The following NOSTRIN variants were observed in gnomAD, a reference collection of about 807,000 sequenced individuals.
NOSTRIN encodes BM247 homolog.
In NOSTRIN, 63 loss-of-function variants were observed where a neutral mutation model predicts 59.0. That is an observed-to-expected ratio of 1.07 (90% CI 0.87 to 1.32). The LOEUF is 1.32. NOSTRIN is among the 40% of genes most tolerant of loss of function. The pLI is 0.00. For missense variants in NOSTRIN, 512 were observed against 473.1 expected, an observed-to-expected ratio of 1.08 and a Z score of -0.76; for synonymous variants, 200 against 165.4, an observed-to-expected ratio of 1.21 and a Z score of -1.61.
At chr2:168,813,391 C>T (rs556305132) in intron 2 of NOSTRIN, among the ~76,000 whole-genome samples, 1 of 152,328 alleles carries the variant, frequency 6.6e-6, no homozygotes, top group Admixed American at 6.5e-5. Flanking sequence ...ACAGACTCAA[C>T]AGTGAACTGA....
chr2:168,815,060 G>A (rs1442296332), intron 2 of NOSTRIN, among the ~76,000 whole-genome samples: 1 of 152,170 alleles, frequency 6.6e-6, no homozygotes. Context: ...GCTTGACAGA[G>A]TTCTGTATTA....
At chr2:168,833,204 G>T (rs1021178188) in intron 6 of NOSTRIN, among the ~76,000 whole-genome samples, 1 of 152,200 alleles carries the variant, frequency 6.6e-6, no homozygotes, top group African/African-American at 2.4e-5. Flanking sequence ...TGTCAGTAAT[G>T]AAGTAGTCTA....
intron 6 of NOSTRIN, among the ~76,000 whole-genome samples, chr2:168,833,399 G>GCTAAAAAGCCAAGGAAGAGAGAC (rs371072683): frequency 6.6e-6 from 1 of 152,206 alleles, no homozygotes; most frequent in African/African-American, 2.4e-5. Flanking sequence ...TGATTCCCAA[G>GCTAAAAAGCCAAGGAAGAGAGAC]CTAAAAAGCC....
intron 7 of NOSTRIN, among the ~76,000 whole-genome samples, chr2:168,839,350 G>A (rs1214511746): frequency 1.3e-5 from 2 of 152,042 alleles, no homozygotes; most frequent in Non-Finnish European, 1.5e-5. Flanking sequence ...TAGTTTAGAT[G>A]CCTCTCTTGA....
chr2:168,858,836 C>A (rs1163153359), intron 12 of NOSTRIN, among the ~76,000 whole-genome samples: 1 of 152,140 alleles, frequency 6.6e-6, no homozygotes, highest in East Asian at 1.9e-4. Flanking sequence ...ATAAGCAAGA[C>A]CCTTCCAATG....
intron 12 of NOSTRIN, among the ~76,000 whole-genome samples, chr2:168,858,425 A>T (rs185760501): frequency 9.5e-4 from 144 of 152,346 alleles, no homozygotes; most frequent in Non-Finnish European, 1.6e-3. Flanking sequence ...TTTTATTTAC[A>T]TTCTTCCTTA....
chr2:168,822,976 G>C (rs1035370067), intron 2 of NOSTRIN, among the ~76,000 whole-genome samples: 1 of 152,078 alleles, frequency 6.6e-6, no homozygotes, highest in African/African-American at 2.4e-5. Flanking sequence ...GAGATCAGTA[G>C]GACAGTTTTC....
At chr2:168,861,545 G>T (rs1286642043) in intron 14 of NOSTRIN, among the ~76,000 whole-genome samples, 3 of 151,606 alleles carry the variant, frequency 2.0e-5, no homozygotes, top group Non-Finnish European at 2.9e-5. Context: ...ATATATTAAG[G>T]AGTCACTGTT....
intron 7 of NOSTRIN, among the ~76,000 whole-genome samples, chr2:168,835,206 C>G (rs1246803759): frequency 1.3e-5 from 2 of 152,058 alleles, no homozygotes; most frequent in Admixed American, 6.5e-5. Flanking sequence ...TCCCAAGTAG[C>G]TGGGACTACA....
intron 2 of NOSTRIN, among the ~76,000 whole-genome samples, chr2:168,815,887 A>G (rs1686370653): frequency 6.6e-6 from 1 of 152,232 alleles, no homozygotes; most frequent in African/African-American, 2.4e-5. Context: ...TCTGGGAACC[A>G]CTGCCCAGCC....
intron 7 of NOSTRIN, among the ~76,000 whole-genome samples, chr2:168,842,492 T>C (rs937105918): frequency 3.3e-5 from 5 of 152,198 alleles, no homozygotes; most frequent in Admixed American, 2.6e-4. Flanking sequence ...TGGGTTTATA[T>C]AGTAAAAGTA....
At chr2:168,826,997 A>G (rs1324185183) in intron 3 of NOSTRIN, among the ~76,000 whole-genome samples, 1 of 151,916 alleles carries the variant, frequency 6.6e-6, no homozygotes, top group Non-Finnish European at 1.5e-5. Flanking sequence ...CTTGTGCCTA[A>G]GCTTGTATCT....
At chr2:168,861,902 A>T (rs969856336) in intron 14 of NOSTRIN, 58 bp from the exon 15 acceptor site, 20 of 1,470,522 alleles carry the variant, frequency 1.4e-5, no homozygotes, top group Non-Finnish European at 1.5e-5. Flanking sequence ...AAAGAGCTTC[A>T]GCTCATATTC....
intron 7 of NOSTRIN, among the ~76,000 whole-genome samples, chr2:168,837,509 C>T (rs1559125447): frequency 6.6e-6 from 1 of 151,922 alleles, no homozygotes; most frequent in East Asian, 1.9e-4. Flanking sequence ...TGGGATTTCA[C>T]CGAGTTAGCT....
At chr2:168,855,319 C>A in intron 10 of NOSTRIN, 33 bp from the exon 11 acceptor site, 2 of 1,142,872 alleles carry the variant, frequency 1.7e-6, no homozygotes, top group Non-Finnish European at 1.3e-6. Context: ...TTACTTCTTC[C>A]CCCTTGTTAG....
rs746926239 is a variant in NOSTRIN at position 168,856,626 on chromosome 2, G to C, written c.965-64G>C. 1.5e-5 allele frequency: 22 copies of C among 1,443,940 alleles called. No homozygotes were observed. The Admixed American group carries it at 2.9e-4, about 19-fold the overall frequency. The allele number at this position is 1,443,940 out of a possible 1,614,324, so 89.4% of individuals were successfully genotyped here. On this transcript the variant is annotated intron_variant, in intron 11 of 15. Coordinates refer to ENST00000317647, the MANE Select transcript of NOSTRIN (RefSeq NM_001039724.4). Reference sequence around the variant, plus strand: ...TTCTAGGCTCCCTTTGAGAGCGACCGACTCCTGGCTGTGTCCCACTGAGAC... The same window carrying C: ...TTCTAGGCTCCCTTTGAGAGCGACCCACTCCTGGCTGTGTCCCACTGAGAC...
chr2:168,850,337 T>C (rs1574325408), intron 8 of NOSTRIN, among the ~76,000 whole-genome samples: 1 of 152,334 alleles, frequency 6.6e-6, no homozygotes, highest in South Asian at 2.1e-4. Flanking sequence ...AAAGAGGCTA[T>C]GTGTCTACCT....
chr2:168,834,636 C>A (rs1170936341), intron 7 of NOSTRIN, among the ~76,000 whole-genome samples: 2 of 151,706 alleles, frequency 1.3e-5, no homozygotes, highest in Non-Finnish European at 2.9e-5. Flanking sequence ...CTCAAGGGAT[C>A]CTCCCACCTC....
upstream of NOSTRIN, among the ~76,000 whole-genome samples, chr2:168,802,145 T>G (rs1432358156): frequency 6.6e-6 from 1 of 151,868 alleles, no homozygotes; most frequent in African/African-American, 2.4e-5. Context: ...ATTAAAGGAG[T>G]GCTCACAGGC....
Sources: gnomAD v4.1 joint callset for allele counts (sites outside exome capture counted in the v4.1 genomes callset) on GRCh38, gnomAD v4.1.1 for gene constraint, MANE v1.5 for transcripts, NCBI Gene and HGNC (gene_info 2026-07-23, HGNC 2026-07-21) for gene names.